The following KITLG variants were observed in gnomAD, a reference collection of about 807,000 sequenced individuals.
KITLG encodes KIT ligand, also known as c-Kit ligand.
KITLG carries 13 observed loss-of-function variants against 34.1 expected under a neutral mutation model. The observed-to-expected ratio is 0.38, with a 90% CI of 0.25 to 0.61. The LOEUF is 0.61. Ranked by LOEUF, KITLG falls within the 20% of genes least tolerant of loss-of-function variation. The pLI is 0.60. For synonymous variants in KITLG, 110 were observed against 104.0 expected (o/e 1.06, Z -0.35); for missense variants, 292 against 318.9 (o/e 0.92, Z 0.64).
intron 9 of KITLG, among the ~76,000 whole-genome samples, chr12:88,504,909 G>T (rs531037935): frequency 6.7e-6 from 1 of 148,532 alleles, no homozygotes; most frequent in East Asian, 2.0e-4. Context: ...TCATAGGTGG[G>T]AATTGAACAA....
intron 2 of KITLG, among the ~76,000 whole-genome samples, chr12:88,545,488 C>T (rs1870688750): frequency 6.6e-6 from 1 of 152,148 alleles, no homozygotes; most frequent in Non-Finnish European, 1.5e-5. Context: ...CCTTCACTGC[C>T]TATGAAGGAT....
At chr12:88,507,353 T>C (rs1592838255) in intron 6 of KITLG, among the ~76,000 whole-genome samples, 2 of 152,096 alleles carry the variant, frequency 1.3e-5, no homozygotes, top group East Asian at 3.9e-4. Flanking sequence ...AAGAAAGAAA[T>C]CACAGAGACA....
In KITLG at chr12:88,497,129, T is replaced by C. The variant is rs748242194; in HGVS notation, c.*90A>G. On this transcript the variant is annotated 3_prime_UTR_variant, in exon 10 of 10. Transcript: ENST00000644744. ...GTGGTCTGTCACTCCAGACAGAATA[T>C]GAATTTGTTTAAAGCTGCTTCATTT... The C allele has an allele frequency of 8.9e-5, 40 of 449,678 alleles. No homozygotes were observed. The highest frequency in any genetic ancestry group is 2.2e-5 in the Non-Finnish European group (5 of 223,914). The allele number at this position is 449,678 out of a possible 1,614,324, so 27.9% of individuals were successfully genotyped here. A position where few individuals can be genotyped will look rare whatever the true frequency, so the allele number is the denominator to read the frequency against.
In KITLG at chr12:88,496,914, G is replaced by T. The variant is rs1475260997; in HGVS notation, c.*305C>A. ...ATGGTACATGCAGTCTGAGACACGTGCTTTCTCTTCCAACATCAGCTGCAA... is the reference window on the plus strand; with the variant it reads ...ATGGTACATGCAGTCTGAGACACGTTCTTTCTCTTCCAACATCAGCTGCAA... On this transcript the variant is annotated 3_prime_UTR_variant, in exon 10 of 10. Transcript: ENST00000644744. The T allele has an allele frequency of 1.7e-5, 3 of 174,734 alleles. No individual in the cohort carries two copies. The highest frequency in any genetic ancestry group is 3.7e-5 in the Non-Finnish European group (3 of 81,138). The allele number at this position is 174,734 out of a possible 1,614,324, so 10.8% of individuals were successfully genotyped here. A position where few individuals can be genotyped will look rare whatever the true frequency, so the allele number is the denominator to read the frequency against.
intron 6 of KITLG, among the ~76,000 whole-genome samples, chr12:88,514,858 G>A (rs1869402068): frequency 6.6e-6 from 1 of 151,634 alleles, no homozygotes; most frequent in Non-Finnish European, 1.5e-5. Context: ...TAGATCACAA[G>A]ATGGTTTTTA....
At position 88,580,447 on chromosome 12, in the gene KITLG, C is replaced by A. The variant is rs995385702; in HGVS notation, c.-169G>T. ...CCCTGCTTCCCGCAGCGCTTCTAGT[C>A]TCGGCGCGAGGCGGCGAGCGAAGCC... On this transcript the variant is annotated 5_prime_UTR_variant, in exon 1 of 10. Coordinates refer to ENST00000644744, the MANE Select transcript of KITLG (RefSeq NM_000899.5). 1 of 830,702 alleles carries A rather than the reference C, an allele frequency of 1.2e-6. No individual in the cohort carries two copies. The allele number at this position is 830,702 out of a possible 1,614,324, so 51.5% of individuals were successfully genotyped here.
At position 88,518,860 on chromosome 12, in the gene KITLG, T is replaced by C. The variant is rs1353173675; in HGVS notation, c.200A>G (p.His67Arg). The C allele has an allele frequency of 6.2e-7, 1 of 1,613,370 alleles. No homozygotes were observed. The stretch of plus-strand genomic sequence containing the variant: ...TACTACCATCTCGCTTATCCAACAA[T>C]GACTTGGCTGCAAGATATGAAAAAA... ...YVPGMDVLPSHCWISEMVVQL... is the reference protein window; with the variant it reads ...YVPGMDVLPSRCWISEMVVQL... The change falls in exon 4 of 10, where the codon CAT becomes CGT. Residue 67 changes from histidine (H) to arginine (R), a missense_variant. Physicochemically the swap from His to Arg is conservative, Grantham distance 29. Coordinates refer to ENST00000644744, the MANE Select transcript of KITLG (RefSeq NM_000899.5).
chr12:88,548,371 T>C (rs1267311986), intron 1 of KITLG, among the ~76,000 whole-genome samples: 1 of 151,966 alleles, frequency 6.6e-6, no homozygotes, highest in Non-Finnish European at 1.5e-5. Context: ...GGAGAATCGT[T>C]TGAACCCGTG....
intron 1 of KITLG, among the ~76,000 whole-genome samples, chr12:88,551,612 T>G (rs1322287970): frequency 6.6e-6 from 1 of 152,228 alleles, no homozygotes; most frequent in East Asian, 1.9e-4. Flanking sequence ...TTCCTTAGTT[T>G]TCCTGTTTCC....
chr12:88,510,126 C>G (rs916953733), intron 6 of KITLG, among the ~76,000 whole-genome samples: 9 of 152,160 alleles, frequency 5.9e-5, no homozygotes, highest in African/African-American at 2.2e-4. Flanking sequence ...TTTCATTTGA[C>G]TAATAATAAC....
chr12:88,510,363 A>G (rs1342653312), intron 6 of KITLG, among the ~76,000 whole-genome samples: 1 of 152,152 alleles, frequency 6.6e-6, no homozygotes, highest in African/African-American at 2.4e-5. Flanking sequence ...GTACTTAATG[A>G]TGAACTCTTA....
At chr12:88,550,976 T>A (rs1870894813) in intron 1 of KITLG, among the ~76,000 whole-genome samples, 1 of 152,194 alleles carries the variant, frequency 6.6e-6, no homozygotes, top group African/African-American at 2.4e-5. Flanking sequence ...TTTTTTTGCA[T>A]CAGTTAAATT....
chr12:88,535,106 T>A (rs2120885985), intron 2 of KITLG, among the ~76,000 whole-genome samples: 1 of 152,184 alleles, frequency 6.6e-6, no homozygotes, highest in Admixed American at 6.6e-5. Flanking sequence ...ATTTAGAAAG[T>A]GTGGGATCTG....
intron 9 of KITLG, among the ~76,000 whole-genome samples, chr12:88,501,898 G>C (rs1770491082): frequency 6.6e-6 from 1 of 151,984 alleles, no homozygotes; most frequent in African/African-American, 2.4e-5. Flanking sequence ...ATTGTTTAGT[G>C]GGGCTCCAAA....
chr12:88,545,306 T>C (rs1271558318), intron 2 of KITLG, among the ~76,000 whole-genome samples: 8 of 152,190 alleles, frequency 5.3e-5, no homozygotes, highest in Admixed American at 2.0e-4. Flanking sequence ...GACAGGGTCT[T>C]CCTGCTGATT....
chr12:88,533,503 A>G (rs547172041), intron 2 of KITLG, among the ~76,000 whole-genome samples: 5 of 152,266 alleles, frequency 3.3e-5, no homozygotes, highest in South Asian at 4.1e-4. Context: ...CTTCCTACAC[A>G]CTGTACCAAC....
At chr12:88,554,423 T>C (rs1871029700) in intron 1 of KITLG, among the ~76,000 whole-genome samples, 1 of 152,136 alleles carries the variant, frequency 6.6e-6, no homozygotes, top group South Asian at 2.1e-4. Flanking sequence ...ACCTACGAAA[T>C]GGTATTAGAG....
At chr12:88,572,092 C>T (rs1479841075) in intron 1 of KITLG, among the ~76,000 whole-genome samples, 1 of 152,144 alleles carries the variant, frequency 6.6e-6, no homozygotes, top group African/African-American at 2.4e-5. Flanking sequence ...AAAATGGCTA[C>T]ACATTTAAAT....
At chr12:88,502,163 A>G (rs1868886623) in intron 9 of KITLG, among the ~76,000 whole-genome samples, 1 of 152,212 alleles carries the variant, frequency 6.6e-6, no homozygotes, top group South Asian at 2.1e-4. Flanking sequence ...GTTTTCATTC[A>G]TTCTGCCATC....
Sources: gnomAD v4.1 joint callset for allele counts (sites outside exome capture counted in the v4.1 genomes callset) on GRCh38, gnomAD v4.1.1 for gene constraint, MANE v1.5 for transcripts, NCBI Gene and HGNC (gene_info 2026-07-23, HGNC 2026-07-21) for gene names.